The following DCBLD1 variants were observed in gnomAD, a reference collection of about 807,000 sequenced individuals.
DCBLD1 encodes the protein discoidin, CUB and LCCL domain-containing protein 1.
DCBLD1 carries 57 observed loss-of-function variants against 71.5 expected under a neutral mutation model. That is an observed-to-expected ratio of 0.80 (90% CI 0.64 to 0.99). DCBLD1 has a LOEUF of 0.99. DCBLD1 is among the 50% of genes least tolerant of loss of function. The pLI is 0.00. For synonymous variants in DCBLD1, 380 were observed against 363.8 expected (o/e 1.04, Z -0.51); for missense variants, 891 against 923.5 (o/e 0.96, Z 0.46).
At chr6:117,568,585 CTT>C (rs895078648) in intron 14 of DCBLD1, among the ~76,000 whole-genome samples, 2 of 152,192 alleles carry the variant, frequency 1.3e-5, no homozygotes, top group Admixed American at 1.3e-4. Flanking sequence ...TTAGATCTCT[CTT>C]GTCAGCTAAT....
downstream of DCBLD1, among the ~76,000 whole-genome samples, chr6:117,550,493 C>A (rs1209014302): frequency 5.9e-5 from 9 of 152,158 alleles, no homozygotes; most frequent in African/African-American, 2.2e-4. Flanking sequence ...TATTCTGCCA[C>A]TTCTTAAATT....
At chr6:117,542,185 C>A (rs938512350) in intron 11 of DCBLD1, among the ~76,000 whole-genome samples, 1 of 151,554 alleles carries the variant, frequency 6.6e-6, no homozygotes, top group Non-Finnish European at 1.5e-5. Flanking sequence ...CCCAGCTACT[C>A]GGGAGGCTGA....
chr6:117,499,235 T>A (rs1777568552), intron 1 of DCBLD1, among the ~76,000 whole-genome samples: 1 of 48,184 alleles, frequency 2.1e-5, no homozygotes, highest in Non-Finnish European at 3.5e-5. Flanking sequence ...GGCCCCCATC[T>A]CTACCAAAAA....
At chr6:117,489,925 C>T (rs1295560192) in intron 1 of DCBLD1, among the ~76,000 whole-genome samples, 4 of 152,192 alleles carry the variant, frequency 2.6e-5, no homozygotes, top group Non-Finnish European at 5.9e-5. Context: ...GAGCTTTCTT[C>T]CCTACTTTCC....
intron 13 of DCBLD1, among the ~76,000 whole-genome samples, chr6:117,544,861 G>A (rs1394438408): frequency 2.0e-5 from 3 of 151,848 alleles, no homozygotes; most frequent in Non-Finnish European, 4.4e-5. Flanking sequence ...CATCAAGGAG[G>A]TATGACAAAA....
intron 14 of DCBLD1, among the ~76,000 whole-genome samples, chr6:117,565,045 C>T (rs1481333437): frequency 6.6e-6 from 1 of 152,000 alleles, no homozygotes; most frequent in Non-Finnish European, 1.5e-5. Context: ...ACTGATGTTT[C>T]CCATATTAGT....
At chr6:117,536,316 TA>T (rs1778880033) in intron 6 of DCBLD1, among the ~76,000 whole-genome samples, 1 of 152,210 alleles carries the variant, frequency 6.6e-6, no homozygotes, top group South Asian at 2.1e-4. Flanking sequence ...ACTGTGCACA[TA>T]AAGCTAATGT....
intron 11 of DCBLD1, among the ~76,000 whole-genome samples, chr6:117,542,209 CT>C (rs1253376830): frequency 6.6e-6 from 1 of 151,584 alleles, no homozygotes; most frequent in African/African-American, 2.4e-5. Context: ...AGGAGAATTG[CT>C]TGAACCCAGA....
intron 7 of DCBLD1, among the ~76,000 whole-genome samples, 175 bp downstream of exon 7, chr6:117,537,400 G>T (rs938006607): frequency 1.3e-5 from 2 of 151,796 alleles, no homozygotes; most frequent in Non-Finnish European, 1.5e-5. Context: ...CGGGCCTGGT[G>T]GGGGGCGCCT....
intron 9 of DCBLD1, chr6:117,539,935 G>A (rs527861417): frequency 6.5e-6 from 1 of 152,684 alleles, no homozygotes; most frequent in African/African-American, 2.4e-5. Context: ...GCCAGGCGTG[G>A]TGGCTGGTGC....
chr6:117,527,681 C>G lies in DCBLD1; in HGVS notation c.585+2247C>G, dbSNP rs374328259. Among the ~76,000 whole-genome samples the G allele has an allele frequency of 3.9e-5, 6 of 152,130 alleles. No homozygotes were observed. In the East Asian group the frequency reaches 9.7e-4, roughly 25 times the overall value. The stretch of plus-strand genomic sequence containing the variant: ...AGGCTGTCTCGAGAAACAGTGATTT[C>G]CTAGTCACTGAAAATGTCAGGTGTA... On this transcript the variant is annotated intron_variant, in intron 5 of 14. Transcript: ENST00000338728.
At chr6:117,492,837 T>C (rs1385865249) in intron 1 of DCBLD1, among the ~76,000 whole-genome samples, 1 of 152,210 alleles carries the variant, frequency 6.6e-6, no homozygotes, top group Non-Finnish European at 1.5e-5. Flanking sequence ...TCAGTAAACA[T>C]TGATTGCTTG....
intron 14 of DCBLD1, among the ~76,000 whole-genome samples, chr6:117,546,571 C>T (rs567521090): frequency 1.3e-5 from 2 of 152,272 alleles, no homozygotes; most frequent in South Asian, 4.1e-4. Flanking sequence ...AAGGGAGAAC[C>T]TAATTTCTGT....
intron 6 of DCBLD1, among the ~76,000 whole-genome samples, chr6:117,536,769 C>G (rs560372906): frequency 2.0e-4 from 31 of 152,302 alleles, no homozygotes; most frequent in South Asian, 2.1e-4. Flanking sequence ...ACTGCTGAAA[C>G]AAAGGGAGAT....
Position 117,548,404 on chromosome 6 carries a change from C to A in DCBLD1, c.2113C>A (p.Pro705Thr). ...TTCTGCCCCCAGAGACTGCCTCACA[C>A]CCCTCAACCAGACGGCCATGACTGC... The part of the protein sequence containing the change: ...SYSAPRDCLT[P>T]LNQTAMTALL The change falls in exon 15 of 15, where the codon CCC (proline) becomes ACC (threonine). Residue 705 changes from proline to threonine, a missense_variant. Coordinates refer to ENST00000338728, the MANE Select transcript of DCBLD1 (RefSeq NM_001366458.2). 6.4e-7 allele frequency: 1 copy of A among 1,550,708 alleles called. No individual in the cohort carries two copies. Among genetic ancestry groups the A allele is most frequent in the Non-Finnish European group, 8.7e-7 (1 of 1,146,998 alleles).
chr6:117,544,621 A>G (rs757878360), intron 13 of DCBLD1, 44 bp downstream of exon 13: 2 of 1,609,542 alleles, frequency 1.2e-6, no homozygotes, highest in South Asian at 1.1e-5. Context: ...TCTTTGAGGA[A>G]GGGACAGGAT....
chr6:117,503,700 C>G, intron 1 of DCBLD1, 67 bp from the exon 2 acceptor site: 2 of 1,536,014 alleles, frequency 1.3e-6, no homozygotes, highest in Middle Eastern at 1.7e-4. Flanking sequence ...TTGTATTGGA[C>G]TCTCAATCCT....
intron 2 of DCBLD1, among the ~76,000 whole-genome samples, chr6:117,515,857 C>G (rs546529699): frequency 7.9e-5 from 12 of 152,252 alleles, no homozygotes; most frequent in African/African-American, 2.9e-4. Flanking sequence ...AAGAGCATTT[C>G]AATTCAATTC....
intron 1 of DCBLD1, chr6:117,494,741 C>T (rs1178136579): frequency 2.6e-5 from 4 of 152,094 alleles, no homozygotes; most frequent in Non-Finnish European, 2.9e-5. Flanking sequence ...AATATAACTT[C>T]AGTATCATTT....
Sources: allele counts gnomAD v4.1 joint callset (sites outside exome capture counted in the v4.1 genomes callset), GRCh38; gene constraint gnomAD v4.1.1; transcripts MANE v1.5; gene names NCBI Gene and HGNC (gene_info 2026-07-23, HGNC 2026-07-21).